The following TCEA3 variants were observed in gnomAD, a reference collection of about 807,000 sequenced individuals.
The protein encoded by TCEA3 is transcription elongation factor A3.
Under a neutral mutation model 44.0 loss-of-function variants are expected in TCEA3, and 36 were observed. The observed-to-expected ratio is 0.82, with a 90% CI of 0.63 to 1.08. TCEA3 has a LOEUF of 1.08. Among genes scored for constraint, TCEA3 ranks in the 50% least tolerant of loss-of-function variants. TCEA3 has a pLI of 0.00. For missense variants in TCEA3, 392 were observed against 441.2 expected (o/e 0.89, Z 1.00); for synonymous variants, 162 against 159.7 (o/e 1.01, Z -0.11).
In TCEA3 at chr1:23,395,968, A is replaced by G. The variant is rs185144162; in HGVS notation, c.664+1577T>C. On this transcript the variant is annotated intron_variant, in intron 7 of 10. Transcript: ENST00000450454. ...TGGAGGGATGACTGTTCAGGAGAAA[A>G]TGAAGATGAAACTCGTGATAGTTCT... 2.4e-4 allele frequency among the ~76,000 whole-genome samples: 36 copies of G among 152,266 alleles called. 1 individual carries two copies. The highest frequency in any genetic ancestry group is 3.4e-3 in the Middle Eastern group (1 of 294).
intron 4 of TCEA3, among the ~76,000 whole-genome samples, chr1:23,410,134 G>A (rs1048944109): frequency 1.3e-5 from 2 of 151,936 alleles, no homozygotes; most frequent in African/African-American, 4.8e-5. Flanking sequence ...CATGGGAGAG[G>A]GGAAGAGAGG....
At chr1:23,418,504 G>T (rs1288318830) in intron 2 of TCEA3, among the ~76,000 whole-genome samples, 1 of 152,102 alleles carries the variant, frequency 6.6e-6, no homozygotes, top group Non-Finnish European at 1.5e-5. Context: ...TAGAAACGGG[G>T]TTTCACCATG....
At chr1:23,418,164 A>T (rs1639948410) in intron 2 of TCEA3, 155 bp from the exon 3 acceptor site, 1 of 670,926 alleles carries the variant, frequency 1.5e-6, no homozygotes. Context: ...TCAGAACCCC[A>T]CTACTGTAAC....
intron 5 of TCEA3, among the ~76,000 whole-genome samples, chr1:23,402,791 T>C (rs1558049049): frequency 6.6e-6 from 1 of 152,190 alleles, no homozygotes; most frequent in Non-Finnish European, 1.5e-5. Flanking sequence ...GCATTCCAGC[T>C]CCTGTAACAG....
chr1:23,384,154 A>T, intron 10 of TCEA3, 192 bp downstream of exon 10: 1 of 1,386,670 alleles, frequency 7.2e-7, no homozygotes, highest in East Asian at 2.7e-5. Flanking sequence ...CTAAAATGAA[A>T]ACATGCATGT....
At chr1:23,397,005 CAAAAAAAAAAA>C (rs34931042) in intron 7 of TCEA3, among the ~76,000 whole-genome samples, 1 of 68,388 alleles carries the variant, frequency 1.5e-5, no homozygotes, top group Non-Finnish European at 3.6e-5. Context: ...AACTCCGTCT[CAAAAAAAAAAA>C]AAAAAAAAAA....
At chr1:23,397,484 C>T (rs1439755135) in intron 7 of TCEA3, 61 bp downstream of exon 7, 5 of 1,537,754 alleles carry the variant, frequency 3.3e-6, no homozygotes, top group Non-Finnish European at 2.7e-6. Flanking sequence ...CTCGCTTGCA[C>T]CTTGGATGGG....
At chr1:23,399,286 G>C (rs573547967) in intron 5 of TCEA3, among the ~76,000 whole-genome samples, 1 of 151,530 alleles carries the variant, frequency 6.6e-6, no homozygotes, top group Non-Finnish European at 1.5e-5. Flanking sequence ...TCATGGTTCT[G>C]GAGGCTGGGA....
intron 10 of TCEA3, among the ~76,000 whole-genome samples, chr1:23,383,081 C>T (rs1395769310): frequency 6.6e-6 from 1 of 152,100 alleles, no homozygotes; most frequent in Non-Finnish European, 1.5e-5. Context: ...AGATCAAGAC[C>T]ATCCTGGCTA....
At chr1:23,388,942 C>T (rs565299561) in intron 8 of TCEA3, among the ~76,000 whole-genome samples, 3 of 152,230 alleles carry the variant, frequency 2.0e-5, no homozygotes, top group East Asian at 1.9e-4. Flanking sequence ...TTTGGACTCC[C>T]GAAGTGCCGG....
chr1:23,421,896 C>T (rs1640075533), intron 1 of TCEA3, among the ~76,000 whole-genome samples: 1 of 152,210 alleles, frequency 6.6e-6, no homozygotes, highest in South Asian at 2.1e-4. Context: ...TGGGTGTATG[C>T]CTCGTGTGTC....
chr1:23,394,109 G>A, intron 7 of TCEA3, 76 bp from the exon 8 acceptor site: 1 of 1,539,470 alleles, frequency 6.5e-7, no homozygotes, highest in Non-Finnish European at 8.8e-7. Context: ...ACGCCTGAGA[G>A]CTCCAGAACC....
At chr1:23,400,788 G>A (rs906008614) in intron 5 of TCEA3, among the ~76,000 whole-genome samples, 2 of 152,160 alleles carry the variant, frequency 1.3e-5, no homozygotes, top group African/African-American at 2.4e-5. Context: ...CGCCCAGAGA[G>A]CTGCTGCATT....
intron 8 of TCEA3, among the ~76,000 whole-genome samples, chr1:23,393,669 T>C (rs539822531): frequency 2.6e-5 from 4 of 152,224 alleles, no homozygotes; most frequent in Non-Finnish European, 4.4e-5. Flanking sequence ...ACTTGGCCAA[T>C]TCGCTGAACA....
chr1:23,381,541 A>G (rs577745025), intron 10 of TCEA3, 67 bp from the exon 11 acceptor site: 139 of 779,110 alleles, frequency 1.8e-4, no homozygotes, highest in Non-Finnish European at 3.0e-4. Flanking sequence ...GCTGTGGGGG[A>G]ATATGAAAAA....
chr1:23,417,276 C>T lies in TCEA3; in HGVS notation c.353G>A (p.Arg118Lys). 6.2e-7 allele frequency: 1 copy of T among 1,613,356 alleles called. No individual in the cohort carries two copies. Among genetic ancestry groups the T allele is most frequent in the Non-Finnish European group, 8.5e-7 (1 of 1,179,736 alleles). The change falls in exon 4 of 11, where the codon AGG (arginine) becomes AAG (lysine). Residue 118 changes from arginine (R) to lysine (K), a missense_variant. Transcript: ENST00000450454. ...WKPEAGLSPP[R>K]KKREDPKTRR... ...GGTTTTGGGGTCTTCTCGTTTTTTCCTTGGTGGAGAAAGGCCTGCTTCTGG... is the reference window on the plus strand; with the variant it reads ...GGTTTTGGGGTCTTCTCGTTTTTTCTTTGGTGGAGAAAGGCCTGCTTCTGG...
chr1:23,408,087 G>A (rs560753852), intron 5 of TCEA3, among the ~76,000 whole-genome samples: 60 of 152,116 alleles, frequency 3.9e-4, no homozygotes, highest in South Asian at 2.9e-3. Flanking sequence ...TCAGCCTCCC[G>A]AGTAGCTGGG....
At chr1:23,422,839 G>A (rs768390879) in intron 1 of TCEA3, among the ~76,000 whole-genome samples, 67 of 152,264 alleles carry the variant, frequency 4.4e-4, no homozygotes, top group Non-Finnish European at 8.7e-4. Context: ...TTTTGCCTAG[G>A]GCCATAAAAG....
intron 2 of TCEA3, 38 bp downstream of exon 2, chr1:23,419,039 C>G (rs766273264): frequency 3.2e-6 from 4 of 1,247,672 alleles, no homozygotes; most frequent in Non-Finnish European, 4.4e-6. Context: ...CAGCTCTCCC[C>G]CCAGGCACTG....
Sources: gnomAD v4.1 joint callset for allele counts (sites outside exome capture counted in the v4.1 genomes callset) on GRCh38, gnomAD v4.1.1 for gene constraint, MANE v1.5 for transcripts, NCBI Gene and HGNC (gene_info 2026-07-23, HGNC 2026-07-21) for gene names.